The following PCNX2 variants were observed in gnomAD, a reference collection of about 807,000 sequenced individuals.
The protein encoded by PCNX2 is pecanex-like protein 2.
PCNX2 carries 168 observed loss-of-function variants against 223.8 expected under a neutral mutation model. The ratio of observed to expected loss-of-function variants is 0.75; its 90% CI spans 0.66 to 0.85. The LOEUF (loss-of-function observed/expected upper bound fraction) is 0.85, where lower values mean the gene tolerates loss of function less well. PCNX2 is among the 40% of genes least tolerant of loss of function. PCNX2 has a pLI of 0.00. For synonymous variants in PCNX2, 1,006 were observed against 1,052.6 expected, an observed-to-expected ratio of 0.96 and a Z score of 0.86; for missense variants, 2,507 against 2,675.5, an observed-to-expected ratio of 0.94 and a Z score of 1.39.
intron 23 of PCNX2, among the ~76,000 whole-genome samples, chr1:233,060,732 C>T (rs535716033): frequency 6.6e-6 from 1 of 152,228 alleles, no homozygotes; most frequent in Non-Finnish European, 1.5e-5. Flanking sequence ...TGGGAACATG[C>T]AATCCTGGTA....
chr1:233,312,041 T>G, the PCNX2 span, among the ~76,000 whole-genome samples: 1 of 152,024 alleles, frequency 6.6e-6, no homozygotes, highest in East Asian at 1.9e-4. Flanking sequence ...GCAGGGAGAT[T>G]TGCTTGAACC....
chr1:233,031,602 C>T (rs944260941), intron 25 of PCNX2, among the ~76,000 whole-genome samples: 11 of 152,072 alleles, frequency 7.2e-5, no homozygotes, highest in Non-Finnish European at 1.5e-4. Context: ...ACCTTCAAAT[C>T]GTAATGCACA....
Position 233,139,738 on chromosome 1 carries a change from C to T in PCNX2, c.3635G>A (p.Ser1212Asn). The stretch of plus-strand genomic sequence containing the variant: ...CTGGGTACCAAGTCTCCGGTGATTG[C>T]TTATTAAAAATGCATCAATAGTGAG... ...NALTIDAFLI[S>N]NHRRLGTHWD... Residue 1212 changes from serine (S) to asparagine (N), a missense_variant, in exon 20 of 34, where the codon AGC becomes AAC. Around this residue, in one of 3 missense-constraint regions of PCNX2, gnomAD observed 1,372 missense variants for 1,509.4 expected, o/e 0.91. Transcript: ENST00000258229. The surrounding 1 kb of genome is among the most constrained non-coding windows in gnomAD (Gnocchi z 4.4). The T allele has an allele frequency of 6.2e-7, 1 of 1,606,842 alleles. No individual in the cohort carries two copies. The highest frequency in any genetic ancestry group is 8.5e-7 in the Non-Finnish European group (1 of 1,176,272).
At chr1:233,088,113 CTAAA>C (rs1673693846) in intron 23 of PCNX2, among the ~76,000 whole-genome samples, 1 of 152,142 alleles carries the variant, frequency 6.6e-6, no homozygotes, top group African/African-American at 2.4e-5. Context: ...AGTGAGGAGA[CTAAA>C]TAACAAAACA....
chr1:233,287,660 G>A (rs946559991), intron 1 of PCNX2, among the ~76,000 whole-genome samples: 1 of 152,100 alleles, frequency 6.6e-6, no homozygotes, highest in African/African-American at 2.4e-5. Context: ...CCAGTCTTGG[G>A]TATTTCTTCA....
At chr1:233,079,651 T>C (rs995344453) in intron 23 of PCNX2, among the ~76,000 whole-genome samples, 1 of 152,044 alleles carries the variant, frequency 6.6e-6, no homozygotes, top group African/African-American at 2.4e-5. Flanking sequence ...ATGGCTTAAG[T>C]GAAATAAAGA....
chr1:233,077,320 C>T (rs1558209386), intron 23 of PCNX2, among the ~76,000 whole-genome samples: 1 of 152,136 alleles, frequency 6.6e-6, no homozygotes, highest in Non-Finnish European at 1.5e-5. Context: ...CAAATCTTGA[C>T]TCCAGGAGCA....
Position 233,262,178 on chromosome 1 carries a change from G to A in PCNX2, c.360-13C>T. 6.2e-7 allele frequency: 1 copy of A among 1,613,298 alleles called. No homozygotes were observed. Among genetic ancestry groups the A allele is most frequent in the Non-Finnish European group, 8.5e-7 (1 of 1,179,492 alleles). On this transcript the variant is annotated splice_polypyrimidine_tract_variant and intron_variant, in intron 2 of 33. Transcript: ENST00000258229. The stretch of plus-strand genomic sequence containing the variant: ...CTGCCTATTATTGCTAACCCAACAT[G>A]AGAAACACAAGAGCAGTGAGCGATA...
intron 25 of PCNX2, among the ~76,000 whole-genome samples, chr1:233,051,723 G>A (rs1394963023): frequency 6.6e-6 from 1 of 152,104 alleles, no homozygotes; most frequent in Non-Finnish European, 1.5e-5. Flanking sequence ...GGGGACAAAG[G>A]TTGAAAAACT....
chr1:233,124,116 CT>C (rs1353484372), intron 21 of PCNX2, among the ~76,000 whole-genome samples: 2 of 152,110 alleles, frequency 1.3e-5, no homozygotes, highest in Admixed American at 1.3e-4. Flanking sequence ...CGTTTTCTGT[CT>C]CATTATTTCT....
intron 1 of PCNX2, among the ~76,000 whole-genome samples, chr1:233,266,405 A>G (rs1379244987): frequency 6.6e-6 from 1 of 152,158 alleles, no homozygotes; most frequent in Non-Finnish European, 1.5e-5. Context: ...TGAATCTAGC[A>G]TCTCCAAACA....
At chr1:233,047,302 G>A in intron 25 of PCNX2, 2 of 825,650 alleles carry the variant, frequency 2.4e-6, no homozygotes, top group Non-Finnish European at 1.5e-6. Flanking sequence ...AACATTTATT[G>A]TGCTAGATTA....
intron 9 of PCNX2, among the ~76,000 whole-genome samples, chr1:233,228,444 A>G (rs1020782415): frequency 1.3e-5 from 2 of 152,158 alleles, no homozygotes; most frequent in Non-Finnish European, 2.9e-5. Context: ...CTGTTGTGCA[A>G]CAGATCTCTG....
At chr1:233,272,611 A>G (rs61823944) in intron 1 of PCNX2, among the ~76,000 whole-genome samples, 29,638 of 152,174 alleles carry the variant, frequency 0.19, 2,932 homozygotes, top group South Asian at 0.25. Flanking sequence ...TAAAAGTAGA[A>G]CTACCATTTG....
chr1:233,152,481 T>C (rs961943856), intron 19 of PCNX2, among the ~76,000 whole-genome samples: 6 of 152,192 alleles, frequency 3.9e-5, no homozygotes, highest in African/African-American at 1.4e-4. Context: ...AAAGAAAGCC[T>C]CTTTCCAAAG....
chr1:232,992,745 G>A (rs2102784391), intron 32 of PCNX2, among the ~76,000 whole-genome samples: 1 of 152,312 alleles, frequency 6.6e-6, no homozygotes, highest in African/African-American at 2.4e-5. Context: ...TTGAGGGAGA[G>A]ACCTGCTGGG....
chr1:233,172,560 C>T, intron 17 of PCNX2: 1 of 985,244 alleles, frequency 1.0e-6, no homozygotes. Flanking sequence ...ACTTTGGTGT[C>T]CCAGGCTGAT....
intron 10 of PCNX2, among the ~76,000 whole-genome samples, chr1:233,218,408 C>A (rs781339854): frequency 2.7e-4 from 36 of 131,152 alleles, no homozygotes; most frequent in Non-Finnish European, 4.6e-4. Flanking sequence ...GCCACCAAGC[C>A]CGGCTAATTT....
chr1:233,189,483 C>T (rs1414567696), intron 15 of PCNX2, among the ~76,000 whole-genome samples: 4 of 152,098 alleles, frequency 2.6e-5, no homozygotes, highest in Non-Finnish European at 5.9e-5. Flanking sequence ...TACTTAATCT[C>T]TCTTTGGATG....
Sources: allele counts gnomAD v4.1 joint callset (sites outside exome capture counted in the v4.1 genomes callset), GRCh38; gene constraint gnomAD v4.1.1; regional missense constraint gnomAD v4.1.1; non-coding constraint Gnocchi (gnomAD v3.1); transcripts MANE v1.5; gene names NCBI Gene and HGNC (gene_info 2026-07-23, HGNC 2026-07-21).